Variants in DAB1 observed in about 807,000 individuals in gnomAD.
DAB1 encodes disabled homolog 1.
A neutral mutation model predicts 64.6 loss-of-function variants in DAB1; 15 were observed. The ratio of observed to expected loss-of-function variants is 0.23; its 90% CI spans 0.16 to 0.36. DAB1 has a LOEUF of 0.36. Ranked by LOEUF, DAB1 falls within the 10% of genes least tolerant of loss-of-function variation. The probability of loss-of-function intolerance (pLI) is 1.00; values close to 1 mark genes in which losing one functional copy is unlikely to be tolerated. For synonymous variants in DAB1, 235 were observed against 251.9 expected (o/e 0.93, Z 0.64); for missense variants, 596 against 706.7 (o/e 0.84, Z 1.78).
At chr1:57,232,163 G>A (rs969331560) in intron 2 of DAB1, among the ~76,000 whole-genome samples, 1 of 150,606 alleles carries the variant, frequency 6.6e-6, no homozygotes, top group Non-Finnish European at 1.5e-5. Context: ...TATACTTTAG[G>A]TTTTTATATG....
At chr1:57,198,412 AT>A (rs1400509714) in intron 2 of DAB1, among the ~76,000 whole-genome samples, 2 of 152,206 alleles carry the variant, frequency 1.3e-5, no homozygotes, top group African/African-American at 4.8e-5. Context: ...AATATTTAGA[AT>A]AAAAGTCAGA....
intron 2 of DAB1, among the ~76,000 whole-genome samples, chr1:57,244,015 A>T (rs1309572084): frequency 6.6e-6 from 1 of 152,048 alleles, no homozygotes; most frequent in African/African-American, 2.4e-5. Context: ...TATCTGTGTT[A>T]TTTCCTCTAT....
chr1:57,034,498 A>T (rs894475808), intron 9 of DAB1, among the ~76,000 whole-genome samples: 3 of 152,190 alleles, frequency 2.0e-5, no homozygotes, highest in African/African-American at 7.2e-5. Context: ...TGCAGCTGGT[A>T]GAGGGTCTGG....
At chr1:58,319,077 A>C (rs1662622972) in intron 4 of DAB1, among the ~76,000 whole-genome samples, 1 of 151,990 alleles carries the variant, frequency 6.6e-6, no homozygotes. Flanking sequence ...CATTTCTAGA[A>C]TTACTGACTG....
At chr1:58,274,564 C>T (rs561129448) in intron 4 of DAB1, among the ~76,000 whole-genome samples, 3,255 of 143,846 alleles carry the variant, frequency 0.023, 142 homozygotes, top group African/African-American at 0.08. Context: ...GCTTTGTTTA[C>T]CTAAGCACGC....
chr1:58,041,206 T>C (rs1647130349), intron 5 of DAB1, among the ~76,000 whole-genome samples: 1 of 152,196 alleles, frequency 6.6e-6, no homozygotes, highest in Non-Finnish European at 1.5e-5. Context: ...CCCTCTGAGC[T>C]CTCACATAAT....
chr1:57,103,132 C>T (rs1376956785), intron 4 of DAB1, among the ~76,000 whole-genome samples: 4 of 152,030 alleles, frequency 2.6e-5, no homozygotes, highest in African/African-American at 9.7e-5. Context: ...CAGCTGGAAG[C>T]ACATTATCTA....
rs72914339 is a variant in DAB1 at position 58,392,678 on chromosome 1, A to G, written n.258-49275T>C. Reference sequence around the variant, plus strand: ...CACCATCTCAAACGAAATGTGGGGGAAACATGAGCTATATGCTTGGTGATT... The same window carrying G: ...CACCATCTCAAACGAAATGTGGGGGGAACATGAGCTATATGCTTGGTGATT... On this transcript the variant is annotated intron_variant and non_coding_transcript_variant, in intron 3 of 20. Coordinates refer to the DAB1 transcript ENST00000485760. Among the ~76,000 whole-genome samples the G allele has an allele frequency of 3.3e-3, 506 of 152,308 alleles. 2 individuals carry two copies. The highest frequency in any genetic ancestry group is 0.012 in the African/African-American group (486 of 41,568).
At chr1:57,282,610 T>G (rs1185222601) in intron 2 of DAB1, among the ~76,000 whole-genome samples, 1 of 152,144 alleles carries the variant, frequency 6.6e-6, no homozygotes, top group Non-Finnish European at 1.5e-5. Context: ...TGTAATAAAT[T>G]CATGACCGTG....
intron 3 of DAB1, among the ~76,000 whole-genome samples, chr1:58,448,515 T>C (rs1391121803): frequency 6.6e-6 from 1 of 152,190 alleles, no homozygotes; most frequent in East Asian, 1.9e-4. Flanking sequence ...AAGCATGCAG[T>C]GAAGACTGGA....
intron 3 of DAB1, among the ~76,000 whole-genome samples, chr1:58,487,428 A>G (rs1310517842): frequency 1.3e-5 from 2 of 152,212 alleles, no homozygotes; most frequent in East Asian, 1.9e-4. Flanking sequence ...AAATTCTTTT[A>G]AAGTTATTGT....
intron 6 of DAB1, among the ~76,000 whole-genome samples, chr1:57,760,588 T>C (rs1190335502): frequency 2.0e-5 from 3 of 150,220 alleles, no homozygotes; most frequent in Non-Finnish European, 4.4e-5. Context: ...TAATTCTTTC[T>C]CTCTCAACTT....
Position 57,531,185 on chromosome 1 carries a change from C to G in DAB1, n.625+118407G>C, listed in dbSNP as rs150212768. 2.6e-4 allele frequency among the ~76,000 whole-genome samples: 40 copies of G among 152,270 alleles called. No individual in the cohort carries two copies. The East Asian group carries it at 7.5e-3, about 29-fold the overall frequency. ...GGTTCCTGCCTTAACTGATGACATT[C>G]CACCATTGTGATTTGTTCCTGCCCC... is the stretch of plus-strand genomic sequence containing the variant. On this transcript the variant is annotated intron_variant and non_coding_transcript_variant, in intron 7 of 20. Transcript: ENST00000485760.
intron 6 of DAB1, among the ~76,000 whole-genome samples, chr1:57,729,759 G>A (rs1647329450): frequency 6.6e-6 from 1 of 152,156 alleles, no homozygotes; most frequent in South Asian, 2.1e-4. Flanking sequence ...TTTTCTAAGT[G>A]TTTTATATAA....
At chr1:58,351,775 G>T (rs1305061217) in intron 3 of DAB1, among the ~76,000 whole-genome samples, 3 of 150,520 alleles carry the variant, frequency 2.0e-5, no homozygotes, top group Non-Finnish European at 4.4e-5. Context: ...AAGGTTAAAA[G>T]ATCAATGTTA....
At chr1:58,347,824 G>T (rs1234059827) in intron 3 of DAB1, among the ~76,000 whole-genome samples, 1 of 152,030 alleles carries the variant, frequency 6.6e-6, no homozygotes, top group African/African-American at 2.4e-5. Context: ...TTCTCACCTT[G>T]CCCCCTTGGC....
At chr1:57,939,127 G>T (rs1645066722) in intron 5 of DAB1, among the ~76,000 whole-genome samples, 1 of 152,076 alleles carries the variant, frequency 6.6e-6, no homozygotes, top group South Asian at 2.1e-4. Flanking sequence ...CCACGTTCTT[G>T]GTGAGGGCCC....
intron 5 of DAB1, among the ~76,000 whole-genome samples, chr1:57,959,388 G>T (rs1226094591): frequency 6.6e-6 from 1 of 152,122 alleles, no homozygotes; most frequent in Non-Finnish European, 1.5e-5. Context: ...GAAGTAGAGG[G>T]CTTCACATAA....
intron 1 of DAB1, among the ~76,000 whole-genome samples, chr1:57,877,501 T>G (rs1422967217): frequency 5.9e-5 from 9 of 152,102 alleles, no homozygotes; most frequent in Non-Finnish European, 1.3e-4. Flanking sequence ...TAGTCCAAAG[T>G]CATTCTTCAT....
Sources: gnomAD v4.1 joint callset for allele counts (sites outside exome capture counted in the v4.1 genomes callset) on GRCh38, gnomAD v4.1.1 for gene constraint, MANE v1.5 for transcripts, NCBI Gene and HGNC (gene_info 2026-07-23, HGNC 2026-07-21) for gene names.